GOPC: variants seen among roughly 807,000 people sequenced by gnomAD.
The protein encoded by GOPC is Golgi-associated PDZ and coiled-coil motif-containing protein.
Under a neutral mutation model 51.2 loss-of-function variants are expected in GOPC, and 32 were observed. That is an observed-to-expected ratio of 0.63 (90% CI 0.47 to 0.84). The LOEUF (loss-of-function observed/expected upper bound fraction) is 0.84, where lower values mean the gene tolerates loss of function less well. Ranked by LOEUF, GOPC falls within the 40% of genes least tolerant of loss-of-function variation. The pLI is 0.00. For synonymous variants in GOPC, 190 were observed against 205.1 expected, an observed-to-expected ratio of 0.93 and a Z score of 0.63; for missense variants, 441 against 555.5, an observed-to-expected ratio of 0.79 and a Z score of 2.07.
chr6:117,574,271 A>C (rs537052584), intron 4 of GOPC, among the ~76,000 whole-genome samples: 1 of 152,226 alleles, frequency 6.6e-6, no homozygotes, highest in South Asian at 2.1e-4. Context: ...AAAAAAAAAA[A>C]AAGTTACTAG....
At chr6:117,573,654 C>T in intron 4 of GOPC, 22 bp from the exon 5 acceptor site, 1 of 1,583,180 alleles carries the variant, frequency 6.3e-7, no homozygotes, top group Non-Finnish European at 8.6e-7. Flanking sequence ...GAAAAGAGTA[C>T]ATTGATTTTT....
rs1340863203 is a variant in GOPC at position 117,560,335 on chromosome 6, T to C, written c.*2919A>G. The C allele has an allele frequency of 5.6e-6, 1 of 179,280 alleles. No individual in the cohort carries two copies. The allele number at this position is 179,280 out of a possible 1,614,324, so 11.1% of individuals were successfully genotyped here. On this transcript the variant is annotated 3_prime_UTR_variant, in exon 9 of 9. Coordinates refer to ENST00000368498, the MANE Select transcript of GOPC (RefSeq NM_020399.4). ...ATCAATATCATTTTAATGTAGAAGA[T>C]GCCATCTTTATTTACAGGCTAATAA...
chr6:117,568,700 C>A (rs1337681940), intron 7 of GOPC, among the ~76,000 whole-genome samples: 1 of 152,168 alleles, frequency 6.6e-6, no homozygotes, highest in African/African-American at 2.4e-5. Context: ...CATGGAGACA[C>A]AGATTTCAGG....
chr6:117,563,198 A>G lies in GOPC; in HGVS notation c.*56T>C. The G allele has an allele frequency of 6.5e-7, 1 of 1,533,086 alleles. No individual in the cohort carries two copies. The highest frequency in any genetic ancestry group is 9.0e-7 in the Non-Finnish European group (1 of 1,114,440). The allele number at this position is 1,533,086 out of a possible 1,614,324, so 95.0% of individuals were successfully genotyped here. A position where few individuals can be genotyped will look rare whatever the true frequency, so the allele number is the denominator to read the frequency against. ...TGTAGTCTTTGTCACCATCTTCCCC[A>G]GTGCCCCAAATTCAGAATAGTCTGA... On this transcript the variant is annotated 3_prime_UTR_variant, in exon 9 of 9. Coordinates refer to ENST00000368498, the MANE Select transcript of GOPC (RefSeq NM_020399.4).
chr6:117,587,344 G>A (rs1017092390), intron 1 of GOPC, among the ~76,000 whole-genome samples: 3 of 151,966 alleles, frequency 2.0e-5, no homozygotes, highest in African/African-American at 4.8e-5. Flanking sequence ...TAGAGGTTAG[G>A]TAACTTCACC....
intron 1 of GOPC, among the ~76,000 whole-genome samples, chr6:117,588,513 T>G (rs753818894): frequency 6.6e-6 from 1 of 152,062 alleles, no homozygotes. Context: ...TGACCTCAAG[T>G]GATCTGCCCG....
intron 3 of GOPC, 169 bp from the exon 4 acceptor site, chr6:117,575,521 G>A (rs777734651): frequency 7.8e-6 from 6 of 765,014 alleles, no homozygotes; most frequent in East Asian, 2.4e-5. Flanking sequence ...TAACATCTTG[G>A]AACTACTTCT....
intron 1 of GOPC, among the ~76,000 whole-genome samples, chr6:117,586,480 T>C (rs925309305): frequency 2.1e-4 from 21 of 101,284 alleles, no homozygotes; most frequent in Admixed American, 9.2e-4. Flanking sequence ...AGATTCTTTT[T>C]TTTTTTTTTT....
chr6:117,560,405 A>C lies in GOPC; in HGVS notation c.*2849T>G, dbSNP rs1000658732. ...AGATATAATACATTATCATAAATGCAATAGATTTGAGGCCAACCATAAGTG... is the reference window on the plus strand; with the variant it reads ...AGATATAATACATTATCATAAATGCCATAGATTTGAGGCCAACCATAAGTG... On this transcript the variant is annotated 3_prime_UTR_variant, in exon 9 of 9. Transcript: ENST00000368498. The C allele has an allele frequency of 5.3e-6, 1 of 187,290 alleles. No individual in the cohort carries two copies. Among genetic ancestry groups the C allele is most frequent in the East Asian group, 8.6e-5 (1 of 11,600 alleles). The allele number at this position is 187,290 out of a possible 1,614,324, so 11.6% of individuals were successfully genotyped here. A position where few individuals can be genotyped will look rare whatever the true frequency, so the allele number is the denominator to read the frequency against.
chr6:117,586,279 T>C (rs944284608), intron 1 of GOPC, among the ~76,000 whole-genome samples: 2 of 152,040 alleles, frequency 1.3e-5, no homozygotes, highest in African/African-American at 4.8e-5. Flanking sequence ...AGGATAACAC[T>C]ATAAAAAATA....
At chr6:117,574,201 A>G (rs1411993205) in intron 4 of GOPC, among the ~76,000 whole-genome samples, 2 of 152,060 alleles carry the variant, frequency 1.3e-5, no homozygotes, top group Middle Eastern at 3.4e-3. Context: ...CAGTGAGCCA[A>G]CGTTGCACCA....
Position 117,562,245 on chromosome 6 carries a change from C to CT in GOPC, c.*1008dup, listed in dbSNP as rs1346992527. 4.8e-6 allele frequency: 1 copy of CT among 207,278 alleles called. No individual in the cohort carries two copies. The highest frequency in any genetic ancestry group is 2.3e-5 in the African/African-American group (1 of 43,822). The allele number at this position is 207,278 out of a possible 1,614,324, so 12.8% of individuals were successfully genotyped here. On this transcript the variant is annotated 3_prime_UTR_variant, in exon 9 of 9. Coordinates refer to ENST00000368498, the MANE Select transcript of GOPC (RefSeq NM_020399.4). ...CAAAACAATTACTGTATCAAAATGT[C>CT]TTTATCTCATCTTGCCCACCTTTTA...
intron 7 of GOPC, among the ~76,000 whole-genome samples, chr6:117,568,839 T>C (rs1779750319): frequency 6.6e-6 from 1 of 152,224 alleles, no homozygotes; most frequent in Non-Finnish European, 1.5e-5. Context: ...ATGCATCATA[T>C]AGAATTGAAC....
At chr6:117,568,225 C>A (rs904928493) in intron 7 of GOPC, among the ~76,000 whole-genome samples, 1 of 151,688 alleles carries the variant, frequency 6.6e-6, no homozygotes, top group Non-Finnish European at 1.5e-5. Context: ...TGTTACAGAT[C>A]GTTTTATGTT....
chr6:117,594,247 C>T (rs575670893), intron 1 of GOPC, among the ~76,000 whole-genome samples: 1 of 152,126 alleles, frequency 6.6e-6, no homozygotes, highest in Non-Finnish European at 1.5e-5. Context: ...TATGCGCTTG[C>T]CCACCACAGG....
At chr6:117,597,326 A>G (rs971422376) in intron 1 of GOPC, among the ~76,000 whole-genome samples, 5 of 152,188 alleles carry the variant, frequency 3.3e-5, no homozygotes, top group African/African-American at 7.2e-5. Context: ...TCATGTCATC[A>G]GCAAACAGCA....
intron 1 of GOPC, among the ~76,000 whole-genome samples, chr6:117,601,781 G>A (rs1772017517): frequency 6.6e-6 from 1 of 152,138 alleles, no homozygotes; most frequent in African/African-American, 2.4e-5. Context: ...TCCTCAGAGA[G>A]ATACTAGGAA....
chr6:117,598,196 TAA>T (rs532086597), intron 1 of GOPC, among the ~76,000 whole-genome samples: 9 of 126,562 alleles, frequency 7.1e-5, no homozygotes, highest in East Asian at 2.3e-4. Flanking sequence ...CCATCTCTAC[TAA>T]AAAAAAAAAA....
chr6:117,577,860 A>G (rs1779905410), intron 2 of GOPC, among the ~76,000 whole-genome samples: 1 of 152,144 alleles, frequency 6.6e-6, no homozygotes, highest in South Asian at 2.1e-4. Flanking sequence ...TCACAGAGTT[A>G]GAAAACTTAA....
Sources: allele counts gnomAD v4.1 joint callset (sites outside exome capture counted in the v4.1 genomes callset), GRCh38; gene constraint gnomAD v4.1.1; transcripts MANE v1.5; gene names NCBI Gene and HGNC (gene_info 2026-07-23, HGNC 2026-07-21).